SLC24A2: variants seen among roughly 807,000 people sequenced by gnomAD.
SLC24A2 encodes sodium/potassium/calcium exchanger 2.
Under a neutral mutation model 62.0 loss-of-function variants are expected in SLC24A2, and 36 were observed. The ratio of observed to expected loss-of-function variants is 0.58; its 90% CI spans 0.44 to 0.77. The LOEUF (loss-of-function observed/expected upper bound fraction) is 0.77, where lower values mean the gene tolerates loss of function less well. SLC24A2 is among the 30% of genes least tolerant of loss of function. The pLI is 0.00. For synonymous variants in SLC24A2, 358 were observed against 294.0 expected, an observed-to-expected ratio of 1.22 and a Z score of -2.23; for missense variants, 846 against 817.9, an observed-to-expected ratio of 1.03 and a Z score of -0.42.
chr9:19,962,432 G>T, the SLC24A2 span, among the ~76,000 whole-genome samples: 1 of 152,140 alleles, frequency 6.6e-6, no homozygotes, highest in African/African-American at 2.4e-5. Context: ...GGATGGCATT[G>T]AATCTATAAA....
At chr9:20,188,833 A>C in the SLC24A2 span, among the ~76,000 whole-genome samples, 56 of 152,328 alleles carry the variant, frequency 3.7e-4, 1 homozygote, top group African/African-American at 1.2e-3. Flanking sequence ...TAGCCCAGTA[A>C]AACTGATGGT....
At chr9:20,060,637 G>A in the SLC24A2 span, among the ~76,000 whole-genome samples, 21 of 152,018 alleles carry the variant, frequency 1.4e-4, no homozygotes, top group African/African-American at 4.6e-4. Flanking sequence ...AGGAATAGAA[G>A]GGAACTTTTC....
the SLC24A2 span, among the ~76,000 whole-genome samples, chr9:19,797,030 A>G: frequency 6.6e-6 from 1 of 151,962 alleles, no homozygotes; most frequent in Non-Finnish European, 1.5e-5. Flanking sequence ...TCCATTTTCT[A>G]TTCATCAACT....
chr9:20,170,834 A>G, the SLC24A2 span, among the ~76,000 whole-genome samples: 1 of 152,046 alleles, frequency 6.6e-6, no homozygotes, highest in Non-Finnish European at 1.5e-5. Flanking sequence ...CTTGCTAGAG[A>G]CCTAGTCATC....
chr9:19,785,895 G>A (rs547751280), intron 2 of SLC24A2, 42 bp downstream of exon 2: 31 of 1,613,424 alleles, frequency 1.9e-5, no homozygotes, highest in East Asian at 1.6e-4. Flanking sequence ...ATTCAGAACC[G>A]TAGTCAAGAA....
At chr9:20,086,446 C>T in the SLC24A2 span, among the ~76,000 whole-genome samples, 2 of 152,186 alleles carry the variant, frequency 1.3e-5, no homozygotes, top group Non-Finnish European at 2.9e-5. Context: ...TTATGGATTT[C>T]TGACTAAGGA....
intron 5 of SLC24A2, among the ~76,000 whole-genome samples, chr9:19,578,778 G>GTCACTAAACTAGAGTCAGACAGCAC (rs1836114713): frequency 1.3e-5 from 2 of 152,280 alleles, no homozygotes; most frequent in South Asian, 4.1e-4. Flanking sequence ...GACAGCACCT[G>GTCACTAAACTAGAGTCAGACAGCAC]TAAACTAGAG....
chr9:20,260,636 C>T, the SLC24A2 span, among the ~76,000 whole-genome samples: 1 of 152,014 alleles, frequency 6.6e-6, no homozygotes, highest in Admixed American at 6.6e-5. Flanking sequence ...TTTCCATCTC[C>T]ATTGCTTTTA....
chr9:20,092,726 T>G, the SLC24A2 span, among the ~76,000 whole-genome samples: 6 of 152,212 alleles, frequency 3.9e-5, no homozygotes, highest in Admixed American at 3.9e-4. Flanking sequence ...TTACCATTTG[T>G]GTGTGCAGGG....
chr9:19,538,337 G>C (rs1834077385), intron 8 of SLC24A2, among the ~76,000 whole-genome samples: 1 of 146,242 alleles, frequency 6.8e-6, no homozygotes, highest in Non-Finnish European at 1.5e-5. Context: ...ACTGGCTGTG[G>C]GTTTGTCATA....
the SLC24A2 span, among the ~76,000 whole-genome samples, chr9:20,062,233 CAAT>C: frequency 6.6e-6 from 1 of 152,014 alleles, no homozygotes; most frequent in East Asian, 1.9e-4. Context: ...TCTCTCGAAA[CAAT>C]AAATAAAAAT....
the SLC24A2 span, among the ~76,000 whole-genome samples, chr9:20,182,113 AAAAGT>A: frequency 6.6e-6 from 1 of 152,224 alleles, no homozygotes; most frequent in African/African-American, 2.4e-5. Context: ...GCAATCATTA[AAAAGT>A]CAGGAAACAA....
chr9:20,287,383 G>A, the SLC24A2 span, among the ~76,000 whole-genome samples: 1 of 152,268 alleles, frequency 6.6e-6, no homozygotes, highest in Non-Finnish European at 1.5e-5. Flanking sequence ...AATGGCCAGA[G>A]GTGTGTCTCT....
chr9:19,834,275 C>G, the SLC24A2 span, among the ~76,000 whole-genome samples: 3 of 152,030 alleles, frequency 2.0e-5, no homozygotes, highest in South Asian at 2.1e-4. Flanking sequence ...TCAAACTACT[C>G]TGAGCTAAAG....
At chr9:19,611,820 C>T (rs1002792747) in intron 4 of SLC24A2, among the ~76,000 whole-genome samples, 1 of 152,164 alleles carries the variant, frequency 6.6e-6, no homozygotes, top group Non-Finnish European at 1.5e-5. Flanking sequence ...ACACATTTGA[C>T]TCTAACTGGG....
intron 2 of SLC24A2, among the ~76,000 whole-genome samples, chr9:19,723,314 T>A (rs2118665528): frequency 6.6e-6 from 1 of 152,204 alleles, no homozygotes; most frequent in Non-Finnish European, 1.5e-5. Flanking sequence ...GTGAAGGAGT[T>A]TTAATGTATT....
the SLC24A2 span, among the ~76,000 whole-genome samples, chr9:20,284,039 G>C: frequency 6.6e-6 from 1 of 152,076 alleles, no homozygotes; most frequent in Non-Finnish European, 1.5e-5. Context: ...AACAGGTGTG[G>C]ACCATCAGTG....
Position 19,519,619 on chromosome 9 carries a change from G to A in SLC24A2, c.1736+1275C>T, listed in dbSNP as rs184991371. ...ACTTGTCAAACAACTACCAGTGATA[G>A]CAATGCAGTAAGCTCTGATGAGTTC... On this transcript the variant is annotated intron_variant, in intron 10 of 10. Coordinates refer to ENST00000341998, the MANE Select transcript of SLC24A2 (RefSeq NM_020344.4). 5.1e-4 allele frequency among the ~76,000 whole-genome samples: 77 copies of A among 152,240 alleles called. 1 individual carries two copies. The South Asian group carries it at 9.1e-3, about 18-fold the overall frequency.
At chr9:19,699,946 A>G (rs937517239) in intron 2 of SLC24A2, among the ~76,000 whole-genome samples, 1 of 152,128 alleles carries the variant, frequency 6.6e-6, no homozygotes, top group African/African-American at 2.4e-5. Context: ...CTGAGACCTG[A>G]GCTCCATGAC....
Sources: allele counts gnomAD v4.1 joint callset (sites outside exome capture counted in the v4.1 genomes callset), GRCh38; gene constraint gnomAD v4.1.1; transcripts MANE v1.5; gene names NCBI Gene and HGNC (gene_info 2026-07-23, HGNC 2026-07-21).